PRPF31: variants seen among roughly 807,000 people sequenced by gnomAD.
PRPF31 encodes the protein pre-mRNA processing factor 31.
In PRPF31, 12 loss-of-function variants were observed where a neutral mutation model predicts 60.4. The observed-to-expected ratio is 0.20, with a 90% CI of 0.13 to 0.32. PRPF31 has a LOEUF of 0.32. Among genes scored for constraint, PRPF31 ranks in the 10% least tolerant of loss-of-function variants. The probability of loss-of-function intolerance (pLI) is 1.00; values close to 1 mark genes in which losing one functional copy is unlikely to be tolerated. For synonymous variants in PRPF31, 287 were observed against 287.9 expected (o/e 1.00, Z 0.03); for missense variants, 431 against 687.1 (o/e 0.63, Z 4.17).
intron 13 of PRPF31, 21 bp downstream of exon 13, chr19:54,129,391 C>T: frequency 6.4e-7 from 1 of 1,570,790 alleles, no homozygotes; most frequent in Non-Finnish European, 8.6e-7. Flanking sequence ...TGGGCCGGCT[C>T]TGTCCCCAGC....
intron 8 of PRPF31, chr19:54,124,931 G>A (rs189208048): frequency 4.8e-5 from 28 of 580,314 alleles, no homozygotes; most frequent in East Asian, 3.2e-4. Context: ...GAGTTGGGAC[G>A]AGGGCTCAGT....
At chr19:54,124,147 AC>A in intron 7 of PRPF31, 2 of 899,652 alleles carry the variant, frequency 2.2e-6, no homozygotes, top group Non-Finnish European at 3.3e-6. Context: ...CCCAGAGATG[AC>A]CACACCCAGG....
chr19:54,119,061 T>A (rs1309542387), intron 3 of PRPF31, among the ~76,000 whole-genome samples: 2 of 152,144 alleles, frequency 1.3e-5, no homozygotes, highest in East Asian at 3.9e-4. Context: ...ACAAAGTCAC[T>A]GTATAAAAAT....
At chr19:54,126,469 G>A (rs2073923138) in intron 8 of PRPF31, 59 bp from the exon 9 acceptor site, 1 of 1,550,340 alleles carries the variant, frequency 6.5e-7, no homozygotes, top group South Asian at 1.2e-5. Context: ...CGGTTGCTTT[G>A]CTGTTACCTC....
At chr19:54,128,583 C>T (rs1168492438) in intron 11 of PRPF31, among the ~76,000 whole-genome samples, 1 of 150,790 alleles carries the variant, frequency 6.6e-6, no homozygotes, top group East Asian at 2.0e-4. Flanking sequence ...TGTGTCTCCG[C>T]TGCTTAGAGC....
Position 54,116,077 on chromosome 19 carries a change from A to G in PRPF31, c.-9+280A>G, listed in dbSNP as rs139419367. On this transcript the variant is annotated intron_variant, in intron 1 of 13. Transcript: ENST00000321030. ...GCCACCACCCCTGACTAATTTTTGT[A>G]TTTTTAGTAGAGACGGGGTTTCCCC... Among the ~76,000 whole-genome samples the G allele has an allele frequency of 7.1e-4, 102 of 144,254 alleles. No individual in the cohort carries two copies. The East Asian group carries it at 0.016, about 23-fold the overall frequency. 94.6% of individuals were successfully genotyped at this position (144,254 alleles called of 152,430 possible).
At chr19:54,124,813 G>A in intron 8 of PRPF31, 157 bp downstream of exon 8, 2 of 868,184 alleles carry the variant, frequency 2.3e-6, no homozygotes, top group Non-Finnish European at 3.6e-6. Context: ...GGGCTCTGCA[G>A]CAGACCAGCT....
intron 13 of PRPF31, among the ~76,000 whole-genome samples, chr19:54,130,295 C>T (rs941061136): frequency 5.3e-5 from 8 of 151,500 alleles, no homozygotes; most frequent in South Asian, 2.1e-4. Flanking sequence ...CCAGGCCGGG[C>T]GCAGACAGCT....
At chr19:54,130,593 T>C (rs1178926154) in intron 13 of PRPF31, among the ~76,000 whole-genome samples, 55 of 148,386 alleles carry the variant, frequency 3.7e-4, no homozygotes, top group African/African-American at 1.1e-3. Context: ...CCACTGCACT[T>C]CAGCCTGGGC....
chr19:54,131,292 C>T lies in PRPF31; in HGVS notation c.1375-15C>T. The T allele has an allele frequency of 1.2e-6, 2 of 1,613,756 alleles. No homozygotes were observed. The highest frequency in any genetic ancestry group is 1.7e-6 in the Non-Finnish European group (2 of 1,179,942). On this transcript the variant is annotated splice_polypyrimidine_tract_variant and intron_variant, in intron 13 of 13. Coordinates refer to ENST00000321030, the MANE Select transcript of PRPF31 (RefSeq NM_015629.4). The stretch of plus-strand genomic sequence containing the variant: ...CCTCACCTAACCCATCATCCTCTCT[C>T]CCTCACCTGCCCAGGGCCTGGAGAT...
intron 13 of PRPF31, 86 bp from the exon 14 acceptor site, chr19:54,131,221 G>T: frequency 6.4e-7 from 1 of 1,563,712 alleles, no homozygotes; most frequent in East Asian, 2.2e-5. Flanking sequence ...TGAGTGCCAT[G>T]GGGAAGGGCC....
At chr19:54,128,028 C>T (rs1333232485) in intron 9 of PRPF31, 45 bp from the exon 10 acceptor site, 3 of 1,547,976 alleles carry the variant, frequency 1.9e-6, no homozygotes, top group East Asian at 2.4e-5. Flanking sequence ...CCTGGGTGGG[C>T]AGCCCACGCG....
At chr19:54,124,157 G>A in intron 7 of PRPF31, 1 of 828,228 alleles carries the variant, frequency 1.2e-6, no homozygotes, top group Non-Finnish European at 1.8e-6. Flanking sequence ...ACCACACCCA[G>A]GCCCTGTTGT....
At chr19:54,121,785 C>T (rs587751290) in intron 3 of PRPF31, 75 bp from the exon 4 acceptor site, 50 of 1,421,652 alleles carry the variant, frequency 3.5e-5, no homozygotes, top group African/African-American at 9.9e-5. Flanking sequence ...CTTCATCCTC[C>T]GCCTCCTCCA....
rs770976679 is a variant in PRPF31, at chr19:54,124,639, G to A, written c.838G>A (p.Val280Met). 4 of 1,612,984 alleles carry A rather than the reference G, an allele frequency of 2.5e-6. No individual in the cohort carries two copies. Among genetic ancestry groups the A allele is most frequent in the Admixed American group, 1.7e-5 (1 of 59,998 alleles). The change falls in exon 8 of 14, where the codon GTG becomes ATG. Residue 280 changes from valine to methionine, a missense_variant. Physicochemically the swap from Val to Met is conservative, Grantham distance 21. Around this residue, in one of 4 missense-constraint regions of PRPF31, gnomAD observed 314 missense variants for 475.3 expected, o/e 0.66. Transcript: ENST00000321030. ...CGGCTACATCTACCACAGTGACATC[G>A]TGCAGTCCCTGCCACCGGTGAGCCC... ...HTGYIYHSDI[V>M]QSLPPDLRRK...
At chr19:54,119,132 C>T (rs944125924) in intron 3 of PRPF31, among the ~76,000 whole-genome samples, 1 of 152,138 alleles carries the variant, frequency 6.6e-6, no homozygotes, top group Admixed American at 6.6e-5. Flanking sequence ...CCTGTAATCC[C>T]AGCACTTTGG....
chr19:54,124,620 C>T lies in PRPF31; in HGVS notation c.819C>T (p.Tyr273=). ...SSTSVLPHTG[Y]IYHSDIVQSL... ...CCTCAGTGCTGCCCCACACCGGCTA[C>T]ATCTACCACAGTGACATCGTGCAGT... Residue 273 remains tyrosine (Y), a synonymous_variant, in exon 8 of 14, where the codon TAC becomes TAT. Transcript: ENST00000321030. 1 of 1,613,636 alleles carries T rather than the reference C, an allele frequency of 6.2e-7. No homozygotes were observed. The highest frequency in any genetic ancestry group is 1.1e-5 in the South Asian group (1 of 91,090).
At chr19:54,125,574 G>A (rs375984625) in intron 8 of PRPF31, among the ~76,000 whole-genome samples, 217 of 152,058 alleles carry the variant, frequency 1.4e-3, no homozygotes, top group African/African-American at 4.9e-3. Flanking sequence ...CAACTGTGGC[G>A]AGTTACCTCA....
chr19:54,120,998 G>C lies in PRPF31; in HGVS notation c.239-862G>C, dbSNP rs1288830161. Among the ~76,000 whole-genome samples the C allele has an allele frequency of 2.0e-5, 3 of 152,234 alleles. No individual in the cohort carries two copies. In the South Asian group the frequency reaches 6.2e-4, roughly 32 times the overall value. ...CTGGGGAGAGGGAGCAGCACATGCA[G>C]AGGCCAGGAGGGGTCTGGCGCGGTG... On this transcript the variant is annotated intron_variant, in intron 3 of 13. Coordinates refer to ENST00000321030, the MANE Select transcript of PRPF31 (RefSeq NM_015629.4).
Sources: allele counts gnomAD v4.1 joint callset (sites outside exome capture counted in the v4.1 genomes callset), GRCh38; gene constraint gnomAD v4.1.1; regional missense constraint gnomAD v4.1.1; transcripts MANE v1.5; gene names NCBI Gene and HGNC (gene_info 2026-07-23, HGNC 2026-07-21).